Variants in IMPA2 observed in about 807,000 individuals in gnomAD.
IMPA2 encodes the protein inositol monophosphatase 2.
IMPA2 carries 32 observed loss-of-function variants against 35.1 expected under a neutral mutation model. That is an observed-to-expected ratio of 0.91 (90% confidence interval 0.69 to 1.23). The LOEUF is 1.23. Ranked by LOEUF, IMPA2 falls within the 50% of genes most tolerant of loss-of-function variation. The pLI, the probability that IMPA2 is intolerant of heterozygous loss-of-function variation, is 0.00. For missense variants in IMPA2, 334 were observed against 387.6 expected (o/e 0.86, Z 1.16); for synonymous variants, 135 against 160.6 (o/e 0.84, Z 1.20).
chr18:12,014,711 G>C (rs756532215), intron 5 of IMPA2, among the ~76,000 whole-genome samples: 1 of 152,228 alleles, frequency 6.6e-6, no homozygotes, highest in Non-Finnish European at 1.5e-5. Flanking sequence ...AGAGCACCCG[G>C]CACACCTCGG....
chr18:12,015,690 C>G (rs1907558509), intron 5 of IMPA2, among the ~76,000 whole-genome samples: 1 of 152,262 alleles, frequency 6.6e-6, no homozygotes, highest in South Asian at 2.1e-4. Context: ...GGAATGGCCT[C>G]TGGCCCTGCC....
At chr18:12,020,501 TA>T (rs1465285977) in intron 5 of IMPA2, among the ~76,000 whole-genome samples, 1 of 152,226 alleles carries the variant, frequency 6.6e-6, no homozygotes, top group Non-Finnish European at 1.5e-5. Flanking sequence ...CCTCTTTTTT[TA>T]AATTGTAGAA....
intron 5 of IMPA2, among the ~76,000 whole-genome samples, 176 bp from the exon 6 acceptor site, chr18:12,027,866 TC>T (rs1290419716): frequency 6.6e-6 from 1 of 151,848 alleles, no homozygotes; most frequent in Admixed American, 6.6e-5. Context: ...ACAGGCACGA[TC>T]CACTGTGCCC....
chr18:12,024,377 G>A (rs1478882224), intron 5 of IMPA2, among the ~76,000 whole-genome samples: 3 of 150,204 alleles, frequency 2.0e-5, no homozygotes, highest in South Asian at 4.2e-4. Flanking sequence ...CCCGCTACTT[G>A]GGAGGCTGAG....
Position 12,029,490 on chromosome 18 carries a change from C to T in IMPA2, c.751+497C>T, listed in dbSNP as rs1464374774. 4.0e-5 allele frequency among the ~76,000 whole-genome samples: 6 copies of T among 151,400 alleles called. No individual in the cohort carries two copies. In the South Asian group the frequency reaches 8.3e-4, roughly 21 times the overall value. On this transcript the variant is annotated intron_variant, in intron 7 of 7. Transcript: ENST00000269159. ...AGGCTGGAGTGCAATGGCATGATCTCGGCTCACTGCAACCTCCGCCTTCCA... is the reference window on the plus strand; with the variant it reads ...AGGCTGGAGTGCAATGGCATGATCTTGGCTCACTGCAACCTCCGCCTTCCA...
At chr18:12,011,277 C>G (rs552205724) in intron 3 of IMPA2, among the ~76,000 whole-genome samples, 43 of 152,322 alleles carry the variant, frequency 2.8e-4, no homozygotes, top group Non-Finnish European at 4.4e-4. Context: ...CTGAACCCCA[C>G]GCTATAGCTG....
At position 12,010,282 on chromosome 18, in the gene IMPA2, C is replaced by T; in HGVS notation, c.335+295C>T. On this transcript the variant is annotated intron_variant, in intron 3 of 7. Coordinates refer to ENST00000269159, the MANE Select transcript of IMPA2 (RefSeq NM_014214.3). This position sits in a 1 kb window ranked among gnomAD's most constrained non-coding sequence, Gnocchi z 4.8. ...CCCCTTGAAGGAGTCTGACTCCCCT[C>T]ACACCCCACCCCCACTGGAGAAAAA... 6.6e-6 allele frequency: 2 copies of T among 301,922 alleles called. No individual in the cohort carries two copies. Among genetic ancestry groups the T allele is most frequent in the Non-Finnish European group, 1.2e-5 (2 of 161,316 alleles). The allele number at this position is 301,922 out of a possible 1,614,324, so 18.7% of individuals were successfully genotyped here. A position where few individuals can be genotyped will look rare whatever the true frequency, so the allele number is the denominator to read the frequency against.
At chr18:12,006,245 C>T (rs971473903) in intron 2 of IMPA2, among the ~76,000 whole-genome samples, 1 of 152,204 alleles carries the variant, frequency 6.6e-6, no homozygotes. Context: ...CCTCTCCACC[C>T]CCTGCCCCGG....
rs1906818153 is a variant in IMPA2, at chr18:11,991,729, G to A, written c.97-7325G>A. On this transcript the variant is annotated intron_variant, in intron 1 of 7. Coordinates refer to ENST00000269159, the MANE Select transcript of IMPA2 (RefSeq NM_014214.3). The surrounding 1 kb of genome is among the most constrained non-coding windows in gnomAD (Gnocchi z 4.1). ...AGAACCCCCTCTTACTTGGGGGAGG[G>A]TCAGCCTTTTCATTCTGTTTGGGCC... Among the ~76,000 whole-genome samples, 1 of 152,186 alleles carries A rather than the reference G, an allele frequency of 6.6e-6. No homozygotes were observed. Among genetic ancestry groups the A allele is most frequent in the African/African-American group, 2.4e-5 (1 of 41,442 alleles).
rs7231196 is a variant in IMPA2 at position 11,989,824 on chromosome 18, C to T, written c.96+8059C>T. 9.3e-3 allele frequency among the ~76,000 whole-genome samples: 1,411 copies of T among 152,122 alleles called. 25 individuals are homozygous for T. The highest frequency in any genetic ancestry group is 0.032 in the African/African-American group (1,339 of 41,510). On this transcript the variant is annotated intron_variant, in intron 1 of 7. Coordinates refer to ENST00000269159, the MANE Select transcript of IMPA2 (RefSeq NM_014214.3). Reference sequence around the variant, plus strand: ...ACTTGCTCACCCCAATGAAGCGCTGCCCAGGGGAGATTACTGTCTTTGGAG... The same window carrying T: ...ACTTGCTCACCCCAATGAAGCGCTGTCCAGGGGAGATTACTGTCTTTGGAG...
In IMPA2 at chr18:12,012,421, T is replaced by C. The variant is rs112548741; in HGVS notation, c.381+206T>C. On this transcript the variant is annotated intron_variant, in intron 4 of 7. Coordinates refer to ENST00000269159, the MANE Select transcript of IMPA2 (RefSeq NM_014214.3). ...GGTGTGCGGGGTGGGGCTCCGTGGC[T>C]GGCCCTTGTCCCCCGTGGAGGGCTG... 9.3e-4 allele frequency: 546 copies of C among 584,618 alleles called. 3 individuals are homozygous for C. Among genetic ancestry groups the C allele is most frequent in the African/African-American group, 8.6e-3 (466 of 53,902 alleles). 36.2% of individuals were successfully genotyped at this position (584,618 alleles called of 1,614,324 possible).
intron 3 of IMPA2, among the ~76,000 whole-genome samples, chr18:12,011,390 G>C (rs1164838322): frequency 6.6e-6 from 1 of 152,240 alleles, no homozygotes; most frequent in Non-Finnish European, 1.5e-5. Context: ...CACAGCAGTG[G>C]GAGAAAGCTC....
chr18:12,028,653 C>A lies in IMPA2; in HGVS notation c.600-189C>A, dbSNP rs970776441. 12 of 646,986 alleles carry A rather than the reference C, an allele frequency of 1.9e-5. No individual in the cohort carries two copies. In the African/African-American group the frequency reaches 2.0e-4, roughly 11 times the overall value. The allele number at this position is 646,986 out of a possible 1,614,324, so 40.1% of individuals were successfully genotyped here. ...GAGCTGTCATGGCACAAGGCATTTG[C>A]GTCTGGCGGAGGCCTGTTGGTTGGT... On this transcript the variant is annotated intron_variant, in intron 6 of 7. Transcript: ENST00000269159.
Position 12,028,341 on chromosome 18 carries a change from T to G in IMPA2, c.599+190T>G. On this transcript the variant is annotated intron_variant, in intron 6 of 7. Transcript: ENST00000269159. ...GTAGATACTCCTATAGCCAGGCCTC[T>G]GGAGATGCGTGGGCACCTGTGTTGC... 3 of 572,006 alleles carry G rather than the reference T, an allele frequency of 5.2e-6. No homozygotes were observed. In the South Asian group the frequency reaches 6.9e-5, roughly 13 times the overall value. The allele number at this position is 572,006 out of a possible 1,614,324, so 35.4% of individuals were successfully genotyped here.
chr18:11,998,099 A>T (rs1907010723), intron 1 of IMPA2, among the ~76,000 whole-genome samples: 1 of 152,200 alleles, frequency 6.6e-6, no homozygotes, highest in South Asian at 2.1e-4. Context: ...CCCTGGGGTT[A>T]GAGGTTACTG....
chr18:12,027,029 C>T (rs1250171), intron 5 of IMPA2, among the ~76,000 whole-genome samples: 41,773 of 152,030 alleles, frequency 0.27, 7,341 homozygotes, highest in East Asian at 0.74. Context: ...CCTGGGTGAG[C>T]GGAGAATTTG....
chr18:12,003,189 C>CT (rs1224938256), intron 2 of IMPA2, among the ~76,000 whole-genome samples: 1 of 151,922 alleles, frequency 6.6e-6, no homozygotes, highest in Non-Finnish European at 1.5e-5. Context: ...GAGCAAAACT[C>CT]TGTCTCAAAA....
At chr18:11,996,734 C>G (rs966770175) in intron 1 of IMPA2, among the ~76,000 whole-genome samples, 1 of 152,122 alleles carries the variant, frequency 6.6e-6, no homozygotes. Context: ...GCACAGTCTG[C>G]CCTTCCTTGA....
At chr18:11,998,925 GCCGCCCCCCCCCCC>G (rs1907035049) in intron 1 of IMPA2, 115 bp from the exon 2 acceptor site, 1 of 37,152 alleles carries the variant, frequency 2.7e-5, no homozygotes, top group Non-Finnish European at 4.7e-5. Flanking sequence ...TGCTGCCCCC[GCCGCCCCCCCCCCC>G]CCCCCCCACC....
Sources: allele counts gnomAD v4.1 joint callset (sites outside exome capture counted in the v4.1 genomes callset), GRCh38; gene constraint gnomAD v4.1.1; non-coding constraint Gnocchi (gnomAD v3.1); transcripts MANE v1.5; gene names NCBI Gene and HGNC (gene_info 2026-07-23, HGNC 2026-07-21).